ZNF850: variants seen among roughly 807,000 people sequenced by gnomAD.
ZNF850 encodes putative zinc finger protein ENSP00000330994.
Under a neutral mutation model 11.9 loss-of-function variants are expected in ZNF850, and 2 were observed. The ratio of observed to expected loss-of-function variants is 0.17; its 90% CI spans 0.07 to 0.53. ZNF850 has a LOEUF of 0.53. Among genes scored for constraint, ZNF850 ranks in the 20% least tolerant of loss-of-function variants. The probability of loss-of-function intolerance (pLI) is 0.94; values close to 1 mark genes in which losing one functional copy is unlikely to be tolerated. For missense variants in ZNF850, 1,014 were observed against 1,316.4 expected (o/e 0.77, Z 3.55); for synonymous variants, 381 against 443.0 (o/e 0.86, Z 1.76).
chr19:36,764,887 G>A (rs1419236904), intron 1 of ZNF850, among the ~76,000 whole-genome samples: 1 of 151,916 alleles, frequency 6.6e-6, no homozygotes, highest in East Asian at 1.9e-4. Context: ...GGGTTTCACT[G>A]TGTTGCTGAG....
At chr19:36,751,571 G>A (rs1364806824) in intron 4 of ZNF850, among the ~76,000 whole-genome samples, 1 of 151,730 alleles carries the variant, frequency 6.6e-6, no homozygotes, top group Non-Finnish European at 1.5e-5. Context: ...TGTGGCCCAT[G>A]CCTGTAATCT....
rs1252350805 is a variant in ZNF850, at chr19:36,749,333, A to G, written c.1707T>C (p.Ser569=). 4 of 1,553,592 alleles carry G rather than the reference A, an allele frequency of 2.6e-6. No individual in the cohort carries two copies. Among genetic ancestry groups the G allele is most frequent in the Non-Finnish European group, 3.5e-6 (4 of 1,153,936 alleles). The part of the protein sequence containing the change: ...KPYDCKECGK[S]FTSRSALIQH... ...GAATTAGTGCTGAGCGAGAAGTAAA[A>G]GATTTTCCACATTCTTTACAATCAT... Residue 569 remains serine (S), a synonymous_variant, in exon 5 of 5, where the codon TCT becomes TCC. Transcript: ENST00000591344.
At chr19:36,769,103 A>G (rs894807941) in intron 1 of ZNF850, among the ~76,000 whole-genome samples, 1 of 151,732 alleles carries the variant, frequency 6.6e-6, no homozygotes, top group African/African-American at 2.4e-5. Flanking sequence ...TCTACTACAA[A>G]TACAAAAATT....
chr19:36,756,109 T>C (rs1376578133), intron 4 of ZNF850, among the ~76,000 whole-genome samples: 2 of 152,004 alleles, frequency 1.3e-5, no homozygotes, highest in African/African-American at 4.8e-5. Context: ...TTTTACCATG[T>C]TGGCCAGGAT....
rs976490934 is a variant in ZNF850, at chr19:36,745,273, A to T, written c.*2494T>A. On this transcript the variant is annotated 3_prime_UTR_variant, in exon 5 of 5. Coordinates refer to ENST00000591344, the MANE Select transcript of ZNF850 (RefSeq NM_001193552.2). ...GTTTTAGAGAAGTGTTAAATTTTTT[A>T]AACGCAAGTGTAATTTAAATAGAAT... 3 of 152,236 alleles carry T rather than the reference A, an allele frequency of 2.0e-5. No homozygotes were observed. The highest frequency in any genetic ancestry group is 7.2e-5 in the African/African-American group (3 of 41,460). 9.4% of individuals were successfully genotyped at this position (152,236 alleles called of 1,614,324 possible).
At chr19:36,771,522 G>A (rs1165261144) in intron 1 of ZNF850, among the ~76,000 whole-genome samples, 1 of 144,756 alleles carries the variant, frequency 6.9e-6, no homozygotes, top group Non-Finnish European at 1.5e-5. Flanking sequence ...AGTTTGGCCC[G>A]GGACCAATCA....
Position 36,747,979 on chromosome 19 carries a change from G to A in ZNF850, c.3061C>T (p.Pro1021Ser), listed in dbSNP as rs1374120670. The change falls in exon 5 of 5, where the codon CCT (proline) becomes TCT (serine). Residue 1021 changes from proline to serine, a missense_variant. Pro to Ser is a moderately conservative substitution (Grantham distance 74). Around this residue, in one of 2 missense-constraint regions of ZNF850, gnomAD observed 179 missense variants for 294.4 expected, o/e 0.61. Transcript: ENST00000591344. ...CGTTTATGTTGACTAAGTTGTGAAGGACATCTAAAGGCCTTCCCACATTCC... is the reference window on the plus strand; with the variant it reads ...CGTTTATGTTGACTAAGTTGTGAAGAACATCTAAAGGCCTTCCCACATTCC... ...CKECGKAFRC[P>S]SQLSQHKRIH... The A allele has an allele frequency of 1.3e-6, 2 of 1,585,992 alleles. No homozygotes were observed. Among genetic ancestry groups the A allele is most frequent in the Non-Finnish European group, 1.7e-6 (2 of 1,168,772 alleles).
chr19:36,753,625 T>C (rs1008133072), intron 4 of ZNF850, among the ~76,000 whole-genome samples: 1 of 149,566 alleles, frequency 6.7e-6, no homozygotes, highest in African/African-American at 2.5e-5. Flanking sequence ...GAAATCCCAA[T>C]AATAAGAACA....
rs1600614869 is a variant in ZNF850, at chr19:36,763,782, A to G, written c.-69-1107T>C. On this transcript the variant is annotated intron_variant, in intron 1 of 4. Coordinates refer to ENST00000591344, the MANE Select transcript of ZNF850 (RefSeq NM_001193552.2). ...CCATCTCTACAAAAATATATATCAT[A>G]TACAAATTAGCCAGATGTGGTGGGA... Among the ~76,000 whole-genome samples, 3 of 151,220 alleles carry G rather than the reference A, an allele frequency of 2.0e-5. No homozygotes were observed. The East Asian group carries it at 5.9e-4, about 30-fold the overall frequency.
rs143103884 is a variant in ZNF850, at chr19:36,747,134, G to T, written c.*633C>A. The T allele has an allele frequency of 6.6e-4, 103 of 155,840 alleles. 1 individual carries two copies. In the East Asian group the frequency reaches 0.015, roughly 23 times the overall value. The allele number at this position is 155,840 out of a possible 1,614,324, so 9.7% of individuals were successfully genotyped here. A position where few individuals can be genotyped will look rare whatever the true frequency, so the allele number is the denominator to read the frequency against. On this transcript the variant is annotated 3_prime_UTR_variant, in exon 5 of 5. Coordinates refer to ENST00000591344, the MANE Select transcript of ZNF850 (RefSeq NM_001193552.2). ...CCACTGCACTCCAGCCTGGGCAACA[G>T]AGCAAGACTCTGTCTCAAAACAAAA...
chr19:36,761,475 A>G (rs1204111351), intron 4 of ZNF850, among the ~76,000 whole-genome samples, 168 bp downstream of exon 4: 1 of 151,932 alleles, frequency 6.6e-6, no homozygotes, highest in African/African-American at 2.4e-5. Flanking sequence ...AATTTTAAAA[A>G]GTGTGTGTGG....
At chr19:36,772,091 G>A (rs35127048) in intron 1 of ZNF850, among the ~76,000 whole-genome samples, 37,090 of 152,052 alleles carry the variant, frequency 0.24, 4,604 homozygotes, top group South Asian at 0.37. Flanking sequence ...TTTCGTGGAA[G>A]CCCGCTGGTC....
At chr19:36,771,965 G>A (rs1429141396) in intron 1 of ZNF850, among the ~76,000 whole-genome samples, 1 of 152,174 alleles carries the variant, frequency 6.6e-6, no homozygotes, top group African/African-American at 2.4e-5. Context: ...AGTGGGCTCT[G>A]GCATTTAGTT....
Position 36,750,408 on chromosome 19 carries a change from T to C in ZNF850, c.632A>G (p.Tyr211Cys), listed in dbSNP as rs754542375. Reference sequence around the variant, plus strand: ...ATGAATTCTCTGATGTTTAACAAGATAGGAAAAGTGATGAAAGGCCTTCCC... The same window carrying C: ...ATGAATTCTCTGATGTTTAACAAGACAGGAAAAGTGATGAAAGGCCTTCCC... ...ECGKAFHHFS[Y>C]LVKHQRIHTG... Residue 211 changes from tyrosine to cysteine, a missense_variant, in exon 5 of 5, where the codon TAT (tyrosine) becomes TGT (cysteine). Coordinates refer to ENST00000591344, the MANE Select transcript of ZNF850 (RefSeq NM_001193552.2). 3.3e-6 allele frequency: 5 copies of C among 1,536,610 alleles called. 1 individual carries two copies. The South Asian group carries it at 5.9e-5, about 18-fold the overall frequency.
Position 36,748,987 on chromosome 19 carries a change from G to C in ZNF850, c.2053C>G (p.Arg685Gly), listed in dbSNP as rs759783399. The C allele has an allele frequency of 1.2e-6, 2 of 1,604,564 alleles. No homozygotes were observed. The highest frequency in any genetic ancestry group is 2.7e-5 in the African/African-American group (2 of 74,640). The change falls in exon 5 of 5, where the codon CGT becomes GGT. Residue 685 changes from arginine to glycine, a missense_variant. By Grantham distance (125) the Arg-to-Gly change is moderately radical (BLOSUM62 -2). This residue lies in a region of ZNF850 where 835 missense variants were observed against 1,022.0 expected (regional missense o/e 0.82). Transcript: ENST00000591344. Reference protein sequence around the residue: ...CPDCGKAFRQRTYLNQHRRIH... With the variant: ...CPDCGKAFRQGTYLNQHRRIH... ...CTCCGATGTTGATTAAGGTATGTAC[G>C]CTGTCTAAAGGCCTTCCCACAGTCC...
rs536319985 is a variant in ZNF850 at position 36,770,165 on chromosome 19, C to G, written c.-70+2560G>C. ...TCCCTAGGCACGACCCTCCAGGAAC[C>G]ACCATGTGTTCAGCTCTCTGGAAGC... is the stretch of plus-strand genomic sequence containing the variant. On this transcript the variant is annotated intron_variant, in intron 1 of 4. Transcript: ENST00000591344. Among the ~76,000 whole-genome samples the G allele has an allele frequency of 2.0e-5, 3 of 152,298 alleles. No homozygotes were observed. In the East Asian group the frequency reaches 5.8e-4, roughly 29 times the overall value.
intron 3 of ZNF850, 137 bp downstream of exon 3, chr19:36,762,168 G>A: frequency 1.5e-6 from 1 of 658,966 alleles, no homozygotes; most frequent in Non-Finnish European, 2.4e-6. Context: ...TGGAGAAGAT[G>A]GAGTGACCCC....
chr19:36,762,535 A>G (rs920866751), intron 2 of ZNF850, 60 bp downstream of exon 2: 1 of 1,536,348 alleles, frequency 6.5e-7, no homozygotes, highest in African/African-American at 1.4e-5. Flanking sequence ...TACAGTGAGC[A>G]GACCAGCTAG....
chr19:36,764,156 A>G (rs2040535885), intron 1 of ZNF850, among the ~76,000 whole-genome samples: 1 of 152,160 alleles, frequency 6.6e-6, no homozygotes, highest in Non-Finnish European at 1.5e-5. Flanking sequence ...GAGGCAGAAG[A>G]ATTGCTTGAA....
Sources: gnomAD v4.1 joint callset for allele counts (sites outside exome capture counted in the v4.1 genomes callset) on GRCh38, gnomAD v4.1.1 for gene constraint, gnomAD v4.1.1 regional missense constraint, MANE v1.5 for transcripts, NCBI Gene and HGNC (gene_info 2026-07-23, HGNC 2026-07-21) for gene names.